The following LRP1B variants were observed in gnomAD, a reference collection of about 807,000 sequenced individuals.
LRP1B encodes the protein low-density lipoprotein receptor-related protein 1B.
In LRP1B, 217 loss-of-function variants were observed where a neutral mutation model predicts 556.6. The ratio of observed to expected loss-of-function variants is 0.39; its 90% CI spans 0.35 to 0.44. LRP1B has a LOEUF of 0.44. LRP1B is among the 20% of genes least tolerant of loss of function. The pLI, the probability that LRP1B is intolerant of heterozygous loss-of-function variation, is 1.00. For missense variants in LRP1B, 5,053 were observed against 5,620.8 expected, an observed-to-expected ratio of 0.90 and a Z score of 3.23; for synonymous variants, 2,047 against 1,865.8, an observed-to-expected ratio of 1.10 and a Z score of -2.50.
chr2:141,815,646 G>C (rs1304383027), intron 1 of LRP1B, among the ~76,000 whole-genome samples: 1 of 152,174 alleles, frequency 6.6e-6, no homozygotes, highest in African/African-American at 2.4e-5. Context: ...ATTAAAAAAA[G>C]GGCACTCTGA....
At chr2:141,678,225 A>G (rs959461232) in intron 2 of LRP1B, among the ~76,000 whole-genome samples, 1 of 152,174 alleles carries the variant, frequency 6.6e-6, no homozygotes, top group Admixed American at 6.5e-5. Flanking sequence ...GAAAACAAAC[A>G]AAATCAGTAG....
At position 141,274,076 on chromosome 2, in the gene LRP1B, G is replaced by A. The variant is rs571942047; in HGVS notation, c.344-19435C>T. ...GACAGACAATAACAAGTGTTGGTGA[G>A]GATATAGAGAAATGGAATCCTCCTA... is the stretch of plus-strand genomic sequence containing the variant. On this transcript the variant is annotated intron_variant, in intron 3 of 90. Transcript: ENST00000389484. Among the ~76,000 whole-genome samples, 12 of 152,230 alleles carry A rather than the reference G, an allele frequency of 7.9e-5. No homozygotes were observed. In the South Asian group the frequency reaches 2.5e-3, roughly 32 times the overall value.
In LRP1B at chr2:140,329,861, A is replaced by T. The variant is rs139994444; in HGVS notation, c.12224-3983T>A. 2.4e-3 allele frequency among the ~76,000 whole-genome samples: 356 copies of T among 151,072 alleles called. 4 individuals carry two copies. The highest frequency in any genetic ancestry group is 8.4e-3 in the African/African-American group (345 of 41,314). On this transcript the variant is annotated intron_variant, in intron 79 of 90. Transcript: ENST00000389484. ...TCACTGCTATTCCTGTTAAACTACCATTGACATCCTTCACCAAATTAGAAA... is the reference window on the plus strand; with the variant it reads ...TCACTGCTATTCCTGTTAAACTACCTTTGACATCCTTCACCAAATTAGAAA...
intron 46 of LRP1B, among the ~76,000 whole-genome samples, chr2:140,534,367 G>A (rs903315959): frequency 2.0e-5 from 3 of 152,038 alleles, no homozygotes; most frequent in East Asian, 3.9e-4. Context: ...GATTCATTCC[G>A]GGAGATCTTT....
chr2:142,051,060 T>C (rs1487124626), intron 1 of LRP1B, among the ~76,000 whole-genome samples: 1 of 151,974 alleles, frequency 6.6e-6, no homozygotes, highest in Non-Finnish European at 1.5e-5. Flanking sequence ...AGAGAAGACG[T>C]TAAGTTCAGC....
At chr2:141,119,212 CG>C (rs920725109) in intron 7 of LRP1B, among the ~76,000 whole-genome samples, 1 of 151,762 alleles carries the variant, frequency 6.6e-6, no homozygotes, top group Non-Finnish European at 1.5e-5. Flanking sequence ...TAAAATCATC[CG>C]TAAGTTTTTT....
intron 41 of LRP1B, among the ~76,000 whole-genome samples, chr2:140,644,466 T>C (rs910100133): frequency 6.6e-6 from 1 of 151,352 alleles, no homozygotes; most frequent in African/African-American, 2.4e-5. Flanking sequence ...TGGCACTATG[T>C]TCATTCACTG....
chr2:140,383,540 ATT>A (rs1337008251), intron 67 of LRP1B, among the ~76,000 whole-genome samples: 1 of 152,064 alleles, frequency 6.6e-6, no homozygotes, highest in Non-Finnish European at 1.5e-5. Flanking sequence ...CTTCTGGCCT[ATT>A]CAAAATAGTA....
chr2:141,335,839 T>C (rs1012271486), intron 3 of LRP1B, among the ~76,000 whole-genome samples: 6 of 152,072 alleles, frequency 3.9e-5, no homozygotes, highest in Admixed American at 3.3e-4. Context: ...TACACCTGTG[T>C]ATTAAATAAA....
At chr2:140,863,521 A>G (rs944600733) in intron 27 of LRP1B, among the ~76,000 whole-genome samples, 6 of 152,116 alleles carry the variant, frequency 3.9e-5, no homozygotes, top group African/African-American at 1.4e-4. Flanking sequence ...ATCCCAGAGG[A>G]AAAAACTGTG....
Position 140,550,321 on chromosome 2 carries a change from G to T in LRP1B, c.7195-8350C>A, listed in dbSNP as rs978181136. ...ACTTCTTTGTCTTTTCCTCCTAGGG[G>T]AAAGAGCACAGTACTCAAAGTGACA... is the stretch of plus-strand genomic sequence containing the variant. On this transcript the variant is annotated intron_variant, in intron 43 of 90. Coordinates refer to ENST00000389484, the MANE Select transcript of LRP1B (RefSeq NM_018557.3). Among the ~76,000 whole-genome samples, 3 of 152,094 alleles carry T rather than the reference G, an allele frequency of 2.0e-5. No individual in the cohort carries two copies. The East Asian group carries it at 5.8e-4, about 29-fold the overall frequency.
chr2:140,938,894 G>A (rs1349716296), intron 20 of LRP1B, among the ~76,000 whole-genome samples: 1 of 151,860 alleles, frequency 6.6e-6, no homozygotes, highest in Non-Finnish European at 1.5e-5. Context: ...GGGCAAAGAG[G>A]ACATAAGCAA....
chr2:140,338,771 A>G (rs1348552808), intron 77 of LRP1B, among the ~76,000 whole-genome samples: 3 of 151,768 alleles, frequency 2.0e-5, no homozygotes, highest in African/African-American at 7.2e-5. Context: ...GAAGATTGAC[A>G]TGGGAAAACA....
At chr2:140,579,895 A>G (rs1346431807) in intron 43 of LRP1B, among the ~76,000 whole-genome samples, 2 of 152,216 alleles carry the variant, frequency 1.3e-5, no homozygotes, top group East Asian at 1.9e-4. Context: ...CATTTTCAGA[A>G]GAATAAAGTT....
chr2:142,051,963 A>G (rs1704478529), intron 1 of LRP1B, among the ~76,000 whole-genome samples: 1 of 152,164 alleles, frequency 6.6e-6, no homozygotes, highest in Non-Finnish European at 1.5e-5. Flanking sequence ...ATTGAAAAGA[A>G]CCACCAATTG....
At chr2:140,936,916 C>T (rs1187817850) in intron 20 of LRP1B, among the ~76,000 whole-genome samples, 2 of 152,126 alleles carry the variant, frequency 1.3e-5, no homozygotes, top group Admixed American at 6.6e-5. Flanking sequence ...TACTTTTGCA[C>T]CAACCTAATA....
chr2:141,747,975 C>T (rs7605253), intron 2 of LRP1B, among the ~76,000 whole-genome samples: 16,908 of 152,088 alleles, frequency 0.11, 1,254 homozygotes, highest in African/African-American at 0.2. Flanking sequence ...TAGTAGTACC[C>T]AGTTGGGGCC....
At chr2:140,752,158 T>C (rs774358731) in intron 35 of LRP1B, among the ~76,000 whole-genome samples, 15 of 151,792 alleles carry the variant, frequency 9.9e-5, no homozygotes, top group Non-Finnish European at 2.1e-4. Context: ...CTACTAAAAA[T>C]ACAAAAATTA....
At chr2:141,724,133 A>G (rs1692943489) in intron 2 of LRP1B, among the ~76,000 whole-genome samples, 1 of 151,976 alleles carries the variant, frequency 6.6e-6, no homozygotes, top group Middle Eastern at 3.4e-3. Context: ...ACTTCAAATT[A>G]CTCCCCAGTA....
Sources: allele counts gnomAD v4.1 joint callset (sites outside exome capture counted in the v4.1 genomes callset), GRCh38; gene constraint gnomAD v4.1.1; transcripts MANE v1.5; gene names NCBI Gene and HGNC (gene_info 2026-07-23, HGNC 2026-07-21).